PTPRM: variants seen among roughly 807,000 people sequenced by gnomAD.
The protein encoded by PTPRM is protein tyrosine phosphatase receptor type M.
A neutral mutation model predicts 186.7 loss-of-function variants in PTPRM; 47 were observed. The ratio of observed to expected loss-of-function variants is 0.25; its 90% CI spans 0.20 to 0.32. The LOEUF is 0.32. Among genes scored for constraint, PTPRM ranks in the 10% least tolerant of loss-of-function variants. The probability of loss-of-function intolerance (pLI) is 1.00; values close to 1 mark genes in which losing one functional copy is unlikely to be tolerated. For synonymous variants in PTPRM, 668 were observed against 674.9 expected (o/e 0.99, Z 0.16); for missense variants, 1,494 against 1,865.0 (o/e 0.80, Z 3.66).
intron 14 of PTPRM, among the ~76,000 whole-genome samples, chr18:8,188,776 G>C (rs973566083): frequency 2.6e-5 from 4 of 152,130 alleles, no homozygotes; most frequent in African/African-American, 9.7e-5. Context: ...GTGTGTGTTG[G>C]GGGTGGGGGA....
intron 7 of PTPRM, among the ~76,000 whole-genome samples, chr18:7,989,959 A>G (rs192316548): frequency 6.6e-6 from 1 of 152,288 alleles, no homozygotes; most frequent in East Asian, 1.9e-4. Flanking sequence ...GCTGGAGTGC[A>G]ATGGCACGAT....
intron 1 of PTPRM, among the ~76,000 whole-genome samples, chr18:7,628,710 G>A (rs889256802): frequency 2.0e-5 from 3 of 152,028 alleles, no homozygotes; most frequent in Non-Finnish European, 4.4e-5. Context: ...ATAATTGAGG[G>A]CCCACCCTGT....
intron 1 of PTPRM, among the ~76,000 whole-genome samples, chr18:7,609,640 A>C (rs571464194): frequency 6.7e-6 from 1 of 150,172 alleles, no homozygotes; most frequent in Admixed American, 6.7e-5. Context: ...TCTTCTCTTC[A>C]TTTGCTGGTG....
intron 1 of PTPRM, among the ~76,000 whole-genome samples, chr18:7,756,867 G>A (rs1005557905): frequency 3.9e-5 from 6 of 152,136 alleles, no homozygotes; most frequent in African/African-American, 1.4e-4. Flanking sequence ...CCAGGCTGCT[G>A]TGCATGGCCC....
At chr18:8,100,528 A>G (rs778780533) in intron 11 of PTPRM, among the ~76,000 whole-genome samples, 4 of 152,226 alleles carry the variant, frequency 2.6e-5, no homozygotes, top group African/African-American at 4.8e-5. Context: ...CAAGCCACTC[A>G]TGAAGGATCT....
intron 7 of PTPRM, among the ~76,000 whole-genome samples, chr18:8,012,807 T>G (rs984165369): frequency 6.6e-6 from 1 of 152,240 alleles, no homozygotes; most frequent in Non-Finnish European, 1.5e-5. Flanking sequence ...ATGCTGTCTC[T>G]TAGCAAAAGG....
intron 19 of PTPRM, among the ~76,000 whole-genome samples, chr18:8,265,115 G>A (rs933719877): frequency 2.6e-5 from 4 of 152,178 alleles, no homozygotes; most frequent in African/African-American, 9.7e-5. Context: ...TTTGAACAGC[G>A]ATTTGTTCTT....
chr18:7,943,334 T>C (rs975260466), intron 5 of PTPRM, among the ~76,000 whole-genome samples: 1 of 152,182 alleles, frequency 6.6e-6, no homozygotes, highest in Non-Finnish European at 1.5e-5. Context: ...TCATTCATCT[T>C]ATGGGGTGCC....
At chr18:7,635,890 A>T (rs1175488830) in intron 1 of PTPRM, among the ~76,000 whole-genome samples, 1 of 152,242 alleles carries the variant, frequency 6.6e-6, no homozygotes, top group Non-Finnish European at 1.5e-5. Context: ...AGTAAAATCC[A>T]TAGAATGCCC....
intron 2 of PTPRM, among the ~76,000 whole-genome samples, chr18:7,841,984 C>A (rs1341027432): frequency 6.6e-6 from 1 of 150,968 alleles, no homozygotes; most frequent in Non-Finnish European, 1.5e-5. Context: ...TTGACTTTGG[C>A]TTTTTCAGAG....
At position 7,917,529 on chromosome 18, in the gene PTPRM, C is replaced by CT. The variant is rs1284304274; in HGVS notation, c.548-9038dup. 2.0e-5 allele frequency among the ~76,000 whole-genome samples: 3 copies of CT among 152,066 alleles called. No individual in the cohort carries two copies. The East Asian group carries it at 5.8e-4, about 29-fold the overall frequency. ...CCAGCCTGGGCGACAGAGTGAGACTCTGTCTAAAAAAATATATACTTTTTT... is the reference window on the plus strand; with the variant it reads ...CCAGCCTGGGCGACAGAGTGAGACTCTTGTCTAAAAAAATATATACTTTTTT... On this transcript the variant is annotated intron_variant, in intron 4 of 32. Transcript: ENST00000580170.
chr18:7,863,284 T>C (rs993281116), intron 2 of PTPRM, among the ~76,000 whole-genome samples: 1 of 152,146 alleles, frequency 6.6e-6, no homozygotes, highest in Non-Finnish European at 1.5e-5. Flanking sequence ...ACACATGCCA[T>C]GGTGGTTTGC....
chr18:7,965,537 T>A (rs1360497671), intron 7 of PTPRM, among the ~76,000 whole-genome samples: 1 of 152,058 alleles, frequency 6.6e-6, no homozygotes, highest in Non-Finnish European at 1.5e-5. Context: ...TGTAAGGAAT[T>A]AAAGCACACA....
In PTPRM at chr18:8,312,161, T is replaced by C. The variant is rs183605139; in HGVS notation, c.2843-2620T>C. On this transcript the variant is annotated intron_variant, in intron 20 of 32. Transcript: ENST00000580170. ...AGCCGTGATTCAGTTCTAGGGTGCA[T>C]CTTTCATTCTTGAAGTTCAAATGGC... 8.2e-4 allele frequency among the ~76,000 whole-genome samples: 125 copies of C among 152,294 alleles called. 1 individual carries two copies. The highest frequency in any genetic ancestry group is 8.1e-3 in the Admixed American group (124 of 15,298).
At chr18:8,312,841 T>C (rs1245456495) in intron 20 of PTPRM, among the ~76,000 whole-genome samples, 1 of 152,064 alleles carries the variant, frequency 6.6e-6, no homozygotes, top group Non-Finnish European at 1.5e-5. Flanking sequence ...GATAAACTTA[T>C]TGCACCCCAA....
intron 7 of PTPRM, among the ~76,000 whole-genome samples, chr18:8,013,955 A>T (rs940491803): frequency 6.6e-6 from 1 of 152,224 alleles, no homozygotes; most frequent in African/African-American, 2.4e-5. Context: ...ATTAGTGAAA[A>T]TTATATCTAA....
At chr18:8,270,733 T>C (rs919130205) in intron 19 of PTPRM, among the ~76,000 whole-genome samples, 1 of 152,178 alleles carries the variant, frequency 6.6e-6, no homozygotes, top group Non-Finnish European at 1.5e-5. Flanking sequence ...GAGGACGTTA[T>C]GCAAAATGAA....
At chr18:7,757,718 C>T (rs918387675) in intron 1 of PTPRM, among the ~76,000 whole-genome samples, 20 of 152,136 alleles carry the variant, frequency 1.3e-4, no homozygotes, top group African/African-American at 4.8e-4. Flanking sequence ...CATTCTGTGG[C>T]AGTGGGTCTT....
In PTPRM at chr18:7,647,218, A is replaced by G. The variant is rs142567428; in HGVS notation, c.73+79327A>G. The stretch of plus-strand genomic sequence containing the variant: ...CAGCCAGGCAAAACTCTGATGAAAT[A>G]TGAATCAATAGTCTCCTGTCAAGTG... On this transcript the variant is annotated intron_variant, in intron 1 of 32. Coordinates refer to ENST00000580170, the MANE Select transcript of PTPRM (RefSeq NM_001105244.2). Among the ~76,000 whole-genome samples the G allele has an allele frequency of 9.4e-3, 1,427 of 152,338 alleles. 8 individuals carry two copies. Among genetic ancestry groups the G allele is most frequent in the South Asian group, 0.026 (127 of 4,824 alleles).
Sources: allele counts gnomAD v4.1 joint callset (sites outside exome capture counted in the v4.1 genomes callset), GRCh38; gene constraint gnomAD v4.1.1; transcripts MANE v1.5; gene names NCBI Gene and HGNC (gene_info 2026-07-23, HGNC 2026-07-21).